SH3RF1: variants seen among roughly 807,000 people sequenced by gnomAD.
SH3RF1 encodes SH3 domain containing ring finger 1.
A neutral mutation model predicts 74.0 loss-of-function variants in SH3RF1; 32 were observed. The observed-to-expected ratio is 0.43, with a 90% CI of 0.33 to 0.58. SH3RF1 has a LOEUF of 0.58. Among genes scored for constraint, SH3RF1 ranks in the 20% least tolerant of loss-of-function variants. The probability of loss-of-function intolerance (pLI) is 0.05; values close to 1 mark genes in which losing one functional copy is unlikely to be tolerated. For missense variants in SH3RF1, 954 were observed against 1,130.9 expected, an observed-to-expected ratio of 0.84 and a Z score of 2.24; for synonymous variants, 396 against 439.6, an observed-to-expected ratio of 0.90 and a Z score of 1.24.
intron 4 of SH3RF1, among the ~76,000 whole-genome samples, chr4:169,151,562 T>C (rs1417487535): frequency 6.6e-6 from 1 of 152,150 alleles, no homozygotes; most frequent in East Asian, 1.9e-4. Context: ...GGCACTCCCT[T>C]AGATGAGGTG....
At chr4:169,258,739 GA>G (rs1184595159) in intron 2 of SH3RF1, among the ~76,000 whole-genome samples, 1 of 152,138 alleles carries the variant, frequency 6.6e-6, no homozygotes, top group Non-Finnish European at 1.5e-5. Context: ...CTTAAGGTCT[GA>G]AATCTAGTTT....
At chr4:169,264,202 T>C (rs1731319022) in intron 2 of SH3RF1, among the ~76,000 whole-genome samples, 1 of 152,086 alleles carries the variant, frequency 6.6e-6, no homozygotes, top group South Asian at 2.1e-4. Flanking sequence ...AAGATCAAGG[T>C]GTCAGTGGGG....
At chr4:169,248,624 T>C (rs190356459) in intron 2 of SH3RF1, among the ~76,000 whole-genome samples, 267 of 152,326 alleles carry the variant, frequency 1.8e-3, no homozygotes, top group Admixed American at 3.1e-3. Context: ...CTGCACATTC[T>C]GTACATGTAT....
Position 169,116,350 on chromosome 4 carries a change from G to C in SH3RF1, c.2058C>G (p.Leu686=). 1 of 1,614,206 alleles carries C rather than the reference G, an allele frequency of 6.2e-7. No individual in the cohort carries two copies. The highest frequency in any genetic ancestry group is 1.1e-5 in the South Asian group (1 of 91,084). ...TGTCAGGAGATGTGGGGAGTCCAGG[G>C]AGAACGGTCACTATCCGGCCACTGG... ...AEPSGRIVTV[L]PGLPTSPDSA... The change falls in exon 10 of 12, where the codon CTC becomes CTG. Residue 686 remains leucine, a synonymous_variant. Coordinates refer to ENST00000284637, the MANE Select transcript of SH3RF1 (RefSeq NM_020870.4).
chr4:169,107,169 C>G lies in SH3RF1; in HGVS notation c.2176G>C (p.Ala726Pro). ...ACGCGGGGCTTCCGTTTAGTGGAGG[C>G]GCCAGAAAGCAACTTCAACAAACCC... The part of the protein sequence containing the change: ...KKGLLKLLSG[A>P]STKRKPRVSP... The change falls in exon 11 of 12, where the codon GCC (alanine) becomes CCC (proline). Residue 726 changes from alanine (A) to proline (P), a missense_variant. This residue lies in a region of SH3RF1 where 854 missense variants were observed against 962.5 expected (regional missense o/e 0.89). Transcript: ENST00000284637. 19 of 1,557,282 alleles carry G rather than the reference C, an allele frequency of 1.2e-5. No homozygotes were observed. The highest frequency in any genetic ancestry group is 1.6e-5 in the Non-Finnish European group (19 of 1,152,840).
rs566436768 is a variant in SH3RF1, at chr4:169,183,035, G to A, written c.394-26356C>T. Among the ~76,000 whole-genome samples, 5 of 152,268 alleles carry A rather than the reference G, an allele frequency of 3.3e-5. No homozygotes were observed. The East Asian group carries it at 9.7e-4, about 30-fold the overall frequency. On this transcript the variant is annotated intron_variant, in intron 2 of 11. Coordinates refer to ENST00000284637, the MANE Select transcript of SH3RF1 (RefSeq NM_020870.4). The stretch of plus-strand genomic sequence containing the variant: ...GGAGTTGGGGCGGGGTGCGGGCATG[G>A]TGGTTCATGCCTGTAATCCCAGCAG...
At chr4:169,229,178 G>A (rs892595058) in intron 2 of SH3RF1, among the ~76,000 whole-genome samples, 1 of 152,168 alleles carries the variant, frequency 6.6e-6, no homozygotes, top group Non-Finnish European at 1.5e-5. Context: ...CTGGAGTGCA[G>A]TGGCTTGTGG....
intron 8 of SH3RF1, 23 bp from the exon 9 acceptor site, chr4:169,117,805 G>A: frequency 6.3e-7 from 1 of 1,594,236 alleles, no homozygotes; most frequent in Non-Finnish European, 8.6e-7. Context: ...AAACATAGAT[G>A]GAAAGCCCAG....
intron 2 of SH3RF1, among the ~76,000 whole-genome samples, chr4:169,214,018 C>T (rs1730420057): frequency 6.6e-6 from 1 of 152,118 alleles, no homozygotes; most frequent in African/African-American, 2.4e-5. Context: ...TTCATATAAA[C>T]TTCAGAATCA....
At chr4:169,115,358 C>T (rs183320849) in intron 10 of SH3RF1, among the ~76,000 whole-genome samples, 1 of 152,184 alleles carries the variant, frequency 6.6e-6, no homozygotes, top group African/African-American at 2.4e-5. Flanking sequence ...GTATTTACAG[C>T]CGCTCCCCAT....
intron 2 of SH3RF1, among the ~76,000 whole-genome samples, chr4:169,176,556 T>C (rs1387969138): frequency 1.3e-5 from 2 of 152,222 alleles, no homozygotes; most frequent in Non-Finnish European, 2.9e-5. Context: ...TTTGGTTTTT[T>C]TTGAGACAGA....
intron 4 of SH3RF1, among the ~76,000 whole-genome samples, chr4:169,138,692 GGTGCTT>G (rs1733737069): frequency 6.6e-6 from 1 of 152,110 alleles, no homozygotes; most frequent in Non-Finnish European, 1.5e-5. Flanking sequence ...CTCCATTAGT[GGTGCTT>G]GTTTTGAAAG....
intron 10 of SH3RF1, among the ~76,000 whole-genome samples, chr4:169,108,842 A>G (rs1236867592): frequency 6.6e-6 from 1 of 152,182 alleles, no homozygotes; most frequent in Non-Finnish European, 1.5e-5. Flanking sequence ...GCAGGGCCCT[A>G]CACCTACTAA....
intron 2 of SH3RF1, among the ~76,000 whole-genome samples, chr4:169,183,340 G>C (rs2126980138): frequency 6.6e-6 from 1 of 152,282 alleles, no homozygotes; most frequent in Middle Eastern, 3.4e-3. Flanking sequence ...GAGTTCAATG[G>C]CGTGATCCTG....
At chr4:169,116,154 C>G in intron 10 of SH3RF1, 115 bp downstream of exon 10, 1 of 1,469,426 alleles carries the variant, frequency 6.8e-7, no homozygotes, top group Non-Finnish European at 9.1e-7. Flanking sequence ...TAGGGAGCAC[C>G]TGAGGGTTTG....
At chr4:169,172,513 T>A (rs1168477373) in intron 2 of SH3RF1, among the ~76,000 whole-genome samples, 1 of 152,252 alleles carries the variant, frequency 6.6e-6, no homozygotes, top group Non-Finnish European at 1.5e-5. Context: ...TTTTCAGTTG[T>A]ACAAAATATA....
chr4:169,188,215 C>T (rs1379604894), intron 2 of SH3RF1, among the ~76,000 whole-genome samples: 1 of 152,152 alleles, frequency 6.6e-6, no homozygotes, highest in Non-Finnish European at 1.5e-5. Context: ...TACAGCACCC[C>T]TAGGAAACTC....
chr4:169,266,696 C>G (rs542116910), intron 2 of SH3RF1, among the ~76,000 whole-genome samples: 2 of 152,176 alleles, frequency 1.3e-5, no homozygotes, highest in African/African-American at 4.8e-5. Context: ...AACTCCTGGG[C>G]TCAAGTGATC....
intron 2 of SH3RF1, among the ~76,000 whole-genome samples, chr4:169,189,259 TA>T (rs1273488710): frequency 6.6e-6 from 1 of 152,262 alleles, no homozygotes; most frequent in Non-Finnish European, 1.5e-5. Flanking sequence ...TATCTGCAAT[TA>T]GTCAACTATG....
Sources: gnomAD v4.1 joint callset for allele counts (sites outside exome capture counted in the v4.1 genomes callset) on GRCh38, gnomAD v4.1.1 for gene constraint, gnomAD v4.1.1 regional missense constraint, MANE v1.5 for transcripts, NCBI Gene and HGNC (gene_info 2026-07-23, HGNC 2026-07-21) for gene names.